DYNC2H1: variants seen among roughly 807,000 people sequenced by gnomAD.
The protein encoded by DYNC2H1 is dynein cytoplasmic 2 heavy chain 1.
A neutral mutation model predicts 570.0 loss-of-function variants in DYNC2H1; 410 were observed. The observed-to-expected ratio is 0.72, with a 90% CI of 0.66 to 0.78. The LOEUF (loss-of-function observed/expected upper bound fraction) is 0.78. DYNC2H1 is among the 30% of genes least tolerant of loss of function. The probability of loss-of-function intolerance (pLI) is 0.00; values close to 1 mark genes in which losing one functional copy is unlikely to be tolerated. For synonymous variants in DYNC2H1, 1,688 were observed against 1,677.6 expected (o/e 1.01, Z -0.15); for missense variants, 4,865 against 5,046.4 (o/e 0.96, Z 1.09).
chr11:103,282,949 A>AG, intron 72 of DYNC2H1, 59 bp from the exon 73 acceptor site: 1 of 1,297,676 alleles, frequency 7.7e-7, no homozygotes, highest in Non-Finnish European at 1.1e-6. Context: ...ATCAATTGCT[A>AG]TTTTTTAAAC....
At chr11:103,233,339 C>T (rs34909554) in intron 60 of DYNC2H1, among the ~76,000 whole-genome samples, 16,169 of 151,126 alleles carry the variant, frequency 0.11, 1,009 homozygotes, top group East Asian at 0.22. Context: ...ATATTATAAA[C>T]ACTTACACAT....
intron 85 of DYNC2H1, among the ~76,000 whole-genome samples, chr11:103,445,325 A>G (rs1169048965): frequency 6.6e-6 from 1 of 152,192 alleles, no homozygotes; most frequent in Non-Finnish European, 1.5e-5. Context: ...GCTATTATCT[A>G]TGGACATTTG....
In DYNC2H1 at chr11:103,319,106, A is replaced by G. The variant is rs1047039167; in HGVS notation, c.11726-1923A>G. 6.6e-6 allele frequency among the ~76,000 whole-genome samples: 1 copy of G among 152,152 alleles called. No individual in the cohort carries two copies. Among genetic ancestry groups the G allele is most frequent in the Non-Finnish European group, 1.5e-5 (1 of 67,986 alleles). On this transcript the variant is annotated intron_variant, in intron 80 of 88. Coordinates refer to ENST00000375735, the MANE Select transcript of DYNC2H1 (RefSeq NM_001377.3). The surrounding 1 kb of genome is among the most constrained non-coding windows in gnomAD (Gnocchi z 4.3). ...CTATTAGTGTTAGTGCCTTTTCACA[A>G]AAGAGAAAAGCAAAACAGAATTTGA...
Position 103,189,516 on chromosome 11 carries a change from GGCGATGA to G in DYNC2H1, c.7293-153_7293-147del, listed in dbSNP as rs1862210448. ...TTTGGTTGAAATGAGAATGGATCGG[GGCGATGA>G]GCCTAGTCTTAGCCCCCTGGGTAAG... is the stretch of plus-strand genomic sequence containing the variant. On this transcript the variant is annotated intron_variant, in intron 44 of 88. Coordinates refer to ENST00000375735, the MANE Select transcript of DYNC2H1 (RefSeq NM_001377.3). The surrounding 1 kb of genome is among the most constrained non-coding windows in gnomAD (Gnocchi z 4.3). 6.6e-6 allele frequency among the ~76,000 whole-genome samples: 1 copy of G among 152,068 alleles called. No individual in the cohort carries two copies. Among genetic ancestry groups the G allele is most frequent in the East Asian group, 1.9e-4 (1 of 5,178 alleles).
At chr11:103,370,091 C>G (rs1941084506) in intron 83 of DYNC2H1, among the ~76,000 whole-genome samples, 1 of 152,216 alleles carries the variant, frequency 6.6e-6, no homozygotes, top group South Asian at 2.1e-4. Flanking sequence ...GCCCACTGCC[C>G]TGAAGGGTGA....
At position 103,334,672 on chromosome 11, in the gene DYNC2H1, T is replaced by C. The variant is rs1442287825; in HGVS notation, c.12039+10682T>C. Among the ~76,000 whole-genome samples the C allele has an allele frequency of 2.0e-5, 3 of 152,106 alleles. No individual in the cohort carries two copies. The highest frequency in any genetic ancestry group is 7.2e-5 in the African/African-American group (3 of 41,442). On this transcript the variant is annotated intron_variant, in intron 82 of 88. Transcript: ENST00000375735. This position sits in a 1 kb window ranked among gnomAD's most constrained non-coding sequence, Gnocchi z 4.3. ...TGATATACTCCAGCAATTGAACATA[T>C]TAAGTACCCAAGAAATGCCCATTTA...
At chr11:103,233,916 C>A in intron 60 of DYNC2H1, 118 bp from the exon 61 acceptor site, 1 of 805,738 alleles carries the variant, frequency 1.2e-6, no homozygotes, top group East Asian at 4.1e-5. Context: ...TGTATGCAAA[C>A]ATTAATAGTA....
rs183629111 is a variant in DYNC2H1 at position 103,473,757 on chromosome 11, G to C, written c.12765+5052G>C. 2.5e-3 allele frequency among the ~76,000 whole-genome samples: 378 copies of C among 152,252 alleles called. 1 individual carries two copies. The highest frequency in any genetic ancestry group is 0.017 in the Middle Eastern group (5 of 294). On this transcript the variant is annotated intron_variant, in intron 88 of 88. Transcript: ENST00000375735. ...TTCCACAGGAAGTCAGTTTGCCTTT[G>C]CTCTATCTTCCTGGAAATAATGCTC...
intron 83 of DYNC2H1, among the ~76,000 whole-genome samples, chr11:103,388,112 A>G (rs1941972069): frequency 6.6e-6 from 1 of 152,198 alleles, no homozygotes; most frequent in South Asian, 2.1e-4. Flanking sequence ...CATTTTCACG[A>G]TAATGATTCT....
intron 82 of DYNC2H1, among the ~76,000 whole-genome samples, chr11:103,347,158 C>A (rs571293346): frequency 6.6e-6 from 1 of 152,256 alleles, no homozygotes; most frequent in Non-Finnish European, 1.5e-5. Context: ...AACACTGGAA[C>A]CAGAATGTGG....
At chr11:103,240,432 A>C (rs1312122865) in intron 63 of DYNC2H1, among the ~76,000 whole-genome samples, 1 of 152,142 alleles carries the variant, frequency 6.6e-6, no homozygotes, top group Non-Finnish European at 1.5e-5. Flanking sequence ...GTAGCTCTCT[A>C]GTATAGAACT....
intron 88 of DYNC2H1, among the ~76,000 whole-genome samples, chr11:103,477,130 T>C (rs1038351608): frequency 2.0e-5 from 3 of 152,206 alleles, no homozygotes; most frequent in Admixed American, 2.0e-4. Flanking sequence ...CAGGAGCTCC[T>C]AGACAAGTAC....
rs1861200366 is a variant in DYNC2H1 at position 103,163,998 on chromosome 11, G to A, written c.4611+851G>A. Among the ~76,000 whole-genome samples the A allele has an allele frequency of 6.6e-6, 1 of 152,010 alleles. No homozygotes were observed. Among genetic ancestry groups the A allele is most frequent in the Non-Finnish European group, 1.5e-5 (1 of 68,004 alleles). ...CATTTGTATCTTTTTTCATTTTAAG[G>A]CAAACTGAAATGTTTCAAAAAAGCT... is the stretch of plus-strand genomic sequence containing the variant. On this transcript the variant is annotated intron_variant, in intron 30 of 88. Coordinates refer to ENST00000375735, the MANE Select transcript of DYNC2H1 (RefSeq NM_001377.3). The surrounding 1 kb of genome is among the most constrained non-coding windows in gnomAD (Gnocchi z 4.6).
At chr11:103,294,500 A>T (rs1381377102) in intron 75 of DYNC2H1, among the ~76,000 whole-genome samples, 2 of 152,172 alleles carry the variant, frequency 1.3e-5, no homozygotes, top group Non-Finnish European at 2.9e-5. Context: ...GGTGGACCTT[A>T]GGAAGATAAG....
intron 84 of DYNC2H1, among the ~76,000 whole-genome samples, chr11:103,433,537 G>A (rs909095796): frequency 3.3e-5 from 5 of 152,062 alleles, no homozygotes; most frequent in African/African-American, 1.2e-4. Flanking sequence ...AGCTTCCAAG[G>A]TTACTCATGG....
intron 84 of DYNC2H1, among the ~76,000 whole-genome samples, chr11:103,418,622 G>T (rs1458577354): frequency 6.6e-6 from 1 of 152,134 alleles, no homozygotes; most frequent in Non-Finnish European, 1.5e-5. Flanking sequence ...AGTGAATTCA[G>T]CACCTTCAAC....
intron 15 of DYNC2H1, among the ~76,000 whole-genome samples, chr11:103,135,058 A>G (rs1859467720): frequency 6.6e-6 from 1 of 152,148 alleles, no homozygotes; most frequent in African/African-American, 2.4e-5. Flanking sequence ...TCTTATGAGC[A>G]ATCTAATATT....
chr11:103,185,872 G>C lies in DYNC2H1; in HGVS notation c.6634-370G>C, dbSNP rs1407772573. Reference sequence around the variant, plus strand: ...GAAGAATAACAGGTGGAGAGCAGTGGTAGTGACACTGTGATGGACAGTACC... The same window carrying C: ...GAAGAATAACAGGTGGAGAGCAGTGCTAGTGACACTGTGATGGACAGTACC... On this transcript the variant is annotated intron_variant, in intron 41 of 88. Transcript: ENST00000375735. This position sits in a 1 kb window ranked among gnomAD's most constrained non-coding sequence, Gnocchi z 4.5. Among the ~76,000 whole-genome samples, 1 of 151,970 alleles carries C rather than the reference G, an allele frequency of 6.6e-6. No homozygotes were observed. The highest frequency in any genetic ancestry group is 1.9e-4 in the East Asian group (1 of 5,200).
intron 85 of DYNC2H1, among the ~76,000 whole-genome samples, chr11:103,449,669 T>C (rs905869512): frequency 1.1e-5 from 1 of 90,500 alleles, no homozygotes; most frequent in Non-Finnish European, 1.9e-5. Flanking sequence ...TTATTCATTT[T>C]CATTATTATT....
Sources: allele counts gnomAD v4.1 joint callset (sites outside exome capture counted in the v4.1 genomes callset), GRCh38; gene constraint gnomAD v4.1.1; non-coding constraint Gnocchi (gnomAD v3.1); transcripts MANE v1.5; gene names NCBI Gene and HGNC (gene_info 2026-07-23, HGNC 2026-07-21).